LTAP1: variants seen among roughly 807,000 people sequenced by gnomAD.
LTAP1 encodes the protein HCV NS5A-transactivated protein 4.
At chr1:154,217,228 C>T in the LTAP1 span, among the ~76,000 whole-genome samples, 1 of 152,130 alleles carries the variant, frequency 6.6e-6, no homozygotes, top group East Asian at 1.9e-4. Context: ...GGATTACAGG[C>T]GTTAGCCACC....
the LTAP1 span, among the ~76,000 whole-genome samples, chr1:154,215,205 T>A: frequency 6.6e-6 from 1 of 152,044 alleles, no homozygotes; most frequent in East Asian, 1.9e-4. Context: ...TAGAGGCTAC[T>A]TTAAAAAAAA....
the LTAP1 span, chr1:154,220,122 G>A: frequency 1.4e-6 from 1 of 712,862 alleles, no homozygotes; most frequent in Non-Finnish European, 2.3e-6. Context: ...GCAGGGAGGC[G>A]TGGGGTCTGT....
the LTAP1 span, chr1:154,212,525 T>G: frequency 6.2e-7 from 1 of 1,614,064 alleles, no homozygotes; most frequent in Admixed American, 1.7e-5. Context: ...GCGTACACCC[T>G]TGAAAGGCGT....
chr1:154,207,332 A>C, the LTAP1 span: 1 of 863,758 alleles, frequency 1.2e-6, no homozygotes. Context: ...ATACAACGGG[A>C]ACTTGGATGG....
the LTAP1 span, among the ~76,000 whole-genome samples, chr1:154,213,694 C>A: frequency 6.6e-6 from 1 of 152,124 alleles, no homozygotes; most frequent in Non-Finnish European, 1.5e-5. Context: ...AACAAAACAC[C>A]CAGACTCTTT....
the LTAP1 span, chr1:154,220,306 T>C: frequency 4.5e-5 from 73 of 1,612,398 alleles, no homozygotes; most frequent in Middle Eastern, 1.6e-4. Flanking sequence ...CTGGGTAAGA[T>C]GCGACAGCAG....
At chr1:154,211,356 G>A in the LTAP1 span, among the ~76,000 whole-genome samples, 16 of 13,186 alleles carry the variant, frequency 1.2e-3, no homozygotes, top group African/African-American at 3.2e-3. Flanking sequence ...TTTTTTTTTT[G>A]AGATGGAGTC....
At chr1:154,219,877 G>T in the LTAP1 span, 1 of 1,613,934 alleles carries the variant, frequency 6.2e-7, no homozygotes, top group Non-Finnish European at 8.5e-7. Context: ...GGTCCCCTTC[G>T]AGATTTCATT....
At chr1:154,212,412 C>T in the LTAP1 span, 7 of 1,613,952 alleles carry the variant, frequency 4.3e-6, no homozygotes, top group African/African-American at 1.3e-5. Context: ...GAGGATCTCT[C>T]AGTCTGAGGG....
At chr1:154,213,838 G>T in the LTAP1 span, 1 of 1,459,386 alleles carries the variant, frequency 6.9e-7, no homozygotes, top group Non-Finnish European at 9.6e-7. Context: ...TCATTACTCT[G>T]TTCCCTAGGT....
the LTAP1 span, among the ~76,000 whole-genome samples, chr1:154,211,324 C>CTTTTTTTT: frequency 1.5e-3 from 52 of 34,048 alleles, 2 homozygotes; most frequent in East Asian, 2.8e-3. Flanking sequence ...TTATTTAATT[C>CTTTTTTTT]TTTTTTTTTT....
the LTAP1 span, chr1:154,212,646 G>T: frequency 6.9e-5 from 112 of 1,613,150 alleles, no homozygotes; most frequent in Non-Finnish European, 6.0e-5. Flanking sequence ...ACAGCACAAT[G>T]ATATCTCTTC....
At chr1:154,219,712 G>A in the LTAP1 span, 3 of 754,714 alleles carry the variant, frequency 4.0e-6, no homozygotes, top group Admixed American at 3.0e-5. Flanking sequence ...AACTTAGTAA[G>A]TACAAGGACA....
the LTAP1 span, among the ~76,000 whole-genome samples, chr1:154,217,479 G>C: frequency 6.6e-6 from 1 of 152,106 alleles, no homozygotes; most frequent in African/African-American, 2.4e-5. Flanking sequence ...TGGGGTGGAA[G>C]CACATGGTAC....
chr1:154,218,444 G>A, the LTAP1 span, among the ~76,000 whole-genome samples: 62 of 152,294 alleles, frequency 4.1e-4, no homozygotes, highest in African/African-American at 1.5e-3. Flanking sequence ...CTAACCCTAT[G>A]TCTTTCTCAT....
the LTAP1 span, chr1:154,219,978 T>A: frequency 6.9e-7 from 1 of 1,449,706 alleles, no homozygotes; most frequent in Non-Finnish European, 9.2e-7. Context: ...AAAAAGTCAG[T>A]TTTGTTTTGT....
At chr1:154,212,180 A>T in the LTAP1 span, 5 of 929,896 alleles carry the variant, frequency 5.4e-6, no homozygotes, top group Admixed American at 5.3e-5. Context: ...AATGTAAGAG[A>T]CTGATCTAAT....
chr1:154,218,799 G>C, the LTAP1 span, among the ~76,000 whole-genome samples: 2 of 152,214 alleles, frequency 1.3e-5, no homozygotes, highest in South Asian at 2.1e-4. Flanking sequence ...GCGGAAGAGA[G>C]AGGCATGTTT....
chr1:154,212,480 T>C, the LTAP1 span: 2 of 1,614,188 alleles, frequency 1.2e-6, no homozygotes, highest in Non-Finnish European at 1.7e-6. Flanking sequence ...GCGGGCTGTT[T>C]CATAGCCATC....
Sources: gnomAD v4.1 joint callset for allele counts (sites outside exome capture counted in the v4.1 genomes callset) on GRCh38, gnomAD v4.1.1 for gene constraint, MANE v1.5 for transcripts, NCBI Gene and HGNC (gene_info 2026-07-23, HGNC 2026-07-21) for gene names.